DSCAM: variants seen among roughly 807,000 people sequenced by gnomAD.
DSCAM encodes the protein DS cell adhesion molecule.
DSCAM carries 47 observed loss-of-function variants against 217.7 expected under a neutral mutation model. The ratio of observed to expected loss-of-function variants is 0.22; its 90% CI spans 0.17 to 0.28. The LOEUF is 0.28. Among genes scored for constraint, DSCAM ranks in the 10% least tolerant of loss-of-function variants. DSCAM has a pLI of 1.00. For synonymous variants in DSCAM, 1,056 were observed against 1,015.3 expected (o/e 1.04, Z -0.76); for missense variants, 2,080 against 2,618.3 (o/e 0.79, Z 4.49).
intron 10 of DSCAM, among the ~76,000 whole-genome samples, chr21:40,280,250 T>C (rs2073742584): frequency 7.0e-6 from 1 of 142,200 alleles, no homozygotes; most frequent in Non-Finnish European, 1.5e-5. Context: ...GACACCATCA[T>C]AGCTCGCTGT....
At chr21:40,713,507 C>G (rs957946224) in intron 1 of DSCAM, among the ~76,000 whole-genome samples, 1 of 152,124 alleles carries the variant, frequency 6.6e-6, no homozygotes, top group Non-Finnish European at 1.5e-5. Context: ...ACAAATATAC[C>G]TTAGAGTGCA....
At chr21:40,331,705 C>T (rs1198541230) in intron 8 of DSCAM, among the ~76,000 whole-genome samples, 3 of 152,092 alleles carry the variant, frequency 2.0e-5, no homozygotes, top group East Asian at 3.9e-4. Flanking sequence ...AATGAGAAAT[C>T]GCCACAAATA....
intron 3 of DSCAM, among the ~76,000 whole-genome samples, chr21:40,649,882 C>G (rs2146357350): frequency 6.6e-6 from 1 of 152,280 alleles, no homozygotes; most frequent in South Asian, 2.1e-4. Context: ...TGCAAGGAAA[C>G]TTGGAGAGAG....
chr21:40,827,612 T>C (rs1205161457), intron 1 of DSCAM, among the ~76,000 whole-genome samples: 2 of 151,952 alleles, frequency 1.3e-5, no homozygotes, highest in Admixed American at 1.3e-4. Context: ...CAACAGAGAC[T>C]GAAAGATGAG....
intron 3 of DSCAM, among the ~76,000 whole-genome samples, chr21:40,580,562 G>A (rs947010952): frequency 6.6e-6 from 1 of 151,748 alleles, no homozygotes; most frequent in Admixed American, 6.6e-5. Flanking sequence ...ACAGACTACT[G>A]AGAACGTTAA....
At chr21:40,723,966 C>A (rs1038855666) in intron 1 of DSCAM, among the ~76,000 whole-genome samples, 1 of 152,154 alleles carries the variant, frequency 6.6e-6, no homozygotes, top group African/African-American at 2.4e-5. Flanking sequence ...GTGTTTTACC[C>A]AGAAAATGTC....
At chr21:40,368,226 A>G (rs2837584) in intron 4 of DSCAM, among the ~76,000 whole-genome samples, 106,162 of 151,994 alleles carry the variant, frequency 0.7, 37,941 homozygotes, top group African/African-American at 0.84. Context: ...TCTCTTTAAC[A>G]CAAAGAGGAC....
chr21:40,375,077 TA>T (rs944382820), intron 3 of DSCAM, among the ~76,000 whole-genome samples: 18 of 152,114 alleles, frequency 1.2e-4, no homozygotes, highest in East Asian at 7.7e-4. Context: ...TATCTGAGTA[TA>T]AAAAAAATAT....
chr21:40,549,709 A>G (rs2076614127), intron 3 of DSCAM, among the ~76,000 whole-genome samples: 2 of 152,338 alleles, frequency 1.3e-5, no homozygotes, highest in African/African-American at 4.8e-5. Flanking sequence ...ACTCACCTTC[A>G]TATTTAACAA....
chr21:40,683,951 G>A (rs1043253768), intron 3 of DSCAM, among the ~76,000 whole-genome samples: 3 of 152,040 alleles, frequency 2.0e-5, no homozygotes, highest in Non-Finnish European at 2.9e-5. Flanking sequence ...ACCGGGCCAC[G>A]CACGGTGGCT....
At chr21:40,760,194 A>G (rs1425536257) in intron 1 of DSCAM, among the ~76,000 whole-genome samples, 2 of 151,706 alleles carry the variant, frequency 1.3e-5, no homozygotes, top group Non-Finnish European at 2.9e-5. Context: ...TATTGTTTTT[A>G]GTAGAGAGAG....
intron 3 of DSCAM, among the ~76,000 whole-genome samples, chr21:40,487,210 C>A (rs546949534): frequency 6.6e-6 from 1 of 152,082 alleles, no homozygotes; most frequent in East Asian, 1.9e-4. Flanking sequence ...AAAGCACTTT[C>A]TCCCTCTCTC....
At chr21:40,283,188 T>C (rs989478794) in intron 10 of DSCAM, among the ~76,000 whole-genome samples, 1 of 152,236 alleles carries the variant, frequency 6.6e-6, no homozygotes, top group Non-Finnish European at 1.5e-5. Context: ...TCATCTTTAT[T>C]CTAAAGAGTA....
intron 3 of DSCAM, among the ~76,000 whole-genome samples, chr21:40,567,934 T>C (rs2076777549): frequency 6.6e-6 from 1 of 152,108 alleles, no homozygotes; most frequent in African/African-American, 2.4e-5. Flanking sequence ...GATCTAGTGT[T>C]TTTTTGTTTG....
intron 3 of DSCAM, among the ~76,000 whole-genome samples, chr21:40,505,052 C>T (rs1411436442): frequency 6.6e-6 from 1 of 152,138 alleles, no homozygotes; most frequent in Non-Finnish European, 1.5e-5. Flanking sequence ...AGGTAAGAGC[C>T]TATCAATGAC....
At chr21:40,257,515 C>CT (rs1302836446) in intron 11 of DSCAM, among the ~76,000 whole-genome samples, 2 of 133,436 alleles carry the variant, frequency 1.5e-5, no homozygotes, top group Non-Finnish European at 3.4e-5. Flanking sequence ...AACGCACTCC[C>CT]TGGCACTGCC....
chr21:40,312,030 A>G (rs1480990879), intron 9 of DSCAM, 51 bp downstream of exon 9: 3 of 1,479,704 alleles, frequency 2.0e-6, no homozygotes, highest in Non-Finnish European at 2.7e-6. Flanking sequence ...ATCTTAAACC[A>G]TTGTTAAATC....
At chr21:40,270,418 T>C (rs2073599882) in intron 11 of DSCAM, among the ~76,000 whole-genome samples, 1 of 152,216 alleles carries the variant, frequency 6.6e-6, no homozygotes, top group South Asian at 2.1e-4. Flanking sequence ...GTTGCATATG[T>C]GCAGGATAAA....
intron 3 of DSCAM, among the ~76,000 whole-genome samples, chr21:40,426,291 C>T (rs1414282121): frequency 6.6e-6 from 1 of 152,238 alleles, no homozygotes; most frequent in Non-Finnish European, 1.5e-5. Context: ...AATGTTGTCA[C>T]TTTACAAGAT....
Sources: gnomAD v4.1 joint callset for allele counts (sites outside exome capture counted in the v4.1 genomes callset) on GRCh38, gnomAD v4.1.1 for gene constraint, MANE v1.5 for transcripts, NCBI Gene and HGNC (gene_info 2026-07-23, HGNC 2026-07-21) for gene names.